Variants in DNAH14 observed in about 807,000 individuals in gnomAD.
DNAH14 encodes the protein axonemal beta dynein heavy chain 14.
DNAH14 carries 478 observed loss-of-function variants against 520.9 expected under a neutral mutation model. The ratio of observed to expected loss-of-function variants is 0.92; its 90% CI spans 0.85 to 0.99. The LOEUF is 0.99. Among genes scored for constraint, DNAH14 ranks in the 50% least tolerant of loss-of-function variants. DNAH14 has a pLI of 0.00. For missense variants in DNAH14, 4,831 were observed against 5,234.5 expected, an observed-to-expected ratio of 0.92 and a Z score of 2.38; for synonymous variants, 1,581 against 1,757.2, an observed-to-expected ratio of 0.90 and a Z score of 2.51.
intron 1 of DNAH14, among the ~76,000 whole-genome samples, chr1:224,931,610 C>T (rs2058704312): frequency 6.6e-6 from 1 of 152,164 alleles, no homozygotes; most frequent in African/African-American, 2.4e-5. Context: ...TCCGTGTTAT[C>T]TATTTGTCCA....
chr1:224,932,718 T>A (rs942692085), intron 1 of DNAH14, among the ~76,000 whole-genome samples: 1 of 152,196 alleles, frequency 6.6e-6, no homozygotes, highest in Non-Finnish European at 1.5e-5. Flanking sequence ...CTTGTCAGTT[T>A]TGTTGTAAGT....
intron 25 of DNAH14, among the ~76,000 whole-genome samples, chr1:225,118,743 C>A (rs1245914811): frequency 6.6e-6 from 1 of 151,786 alleles, no homozygotes; most frequent in Non-Finnish European, 1.5e-5. Flanking sequence ...ATTAGCTGAT[C>A]GTGGTGGCAG....
chr1:225,339,790 T>C (rs1278546867), intron 68 of DNAH14, among the ~76,000 whole-genome samples: 4 of 152,168 alleles, frequency 2.6e-5, no homozygotes, highest in Non-Finnish European at 5.9e-5. Flanking sequence ...TAAAGTGGAA[T>C]GAAGTATTGT....
chr1:224,992,614 G>A (rs1330549873), intron 8 of DNAH14, among the ~76,000 whole-genome samples: 1 of 152,012 alleles, frequency 6.6e-6, no homozygotes, highest in Non-Finnish European at 1.5e-5. Context: ...TTTCTTCGTG[G>A]AATCTTTAGG....
intron 11 of DNAH14, among the ~76,000 whole-genome samples, chr1:225,027,421 G>A (rs10399941): frequency 0.048 from 7,309 of 152,106 alleles, 509 homozygotes; most frequent in African/African-American, 0.15. Context: ...AGTTGAGGAA[G>A]TTCCTGTCTG....
At chr1:225,237,586 TG>T (rs1281842472) in intron 42 of DNAH14, among the ~76,000 whole-genome samples, 1 of 152,176 alleles carries the variant, frequency 6.6e-6, no homozygotes, top group East Asian at 1.9e-4. Context: ...GTTTATGTCT[TG>T]GGGTTGATTT....
Position 225,206,063 on chromosome 1 carries a change from T to C in DNAH14, c.6070T>C (p.Cys2024Arg). 1 of 1,551,636 alleles carries C rather than the reference T, an allele frequency of 6.4e-7. No individual in the cohort carries two copies. Among genetic ancestry groups the C allele is most frequent in the East Asian group, 2.4e-5 (1 of 40,904 alleles). ...NSVLDDTRTLCLANSERIALT... is the reference protein window; with the variant it reads ...NSVLDDTRTLRLANSERIALT... ...TGTGCTAGATGATACTAGAACATTG[T>C]GCCTAGCAAACAGTGAGAGAATAGC... The change falls in exon 40 of 86, where the codon TGC (cysteine) becomes CGC (arginine). Residue 2024 changes from cysteine to arginine, a missense_variant. Physicochemically the swap from Cys to Arg is radical, Grantham distance 180. Transcript: ENST00000682510.
intron 41 of DNAH14, among the ~76,000 whole-genome samples, chr1:225,225,519 A>AAGGAC (rs1411126438): frequency 6.6e-6 from 1 of 152,160 alleles, no homozygotes; most frequent in Non-Finnish European, 1.5e-5. Flanking sequence ...TATAGTACCC[A>AAGGAC]AGGACAGGCC....
intron 41 of DNAH14, among the ~76,000 whole-genome samples, chr1:225,230,377 A>G (rs904827963): frequency 6.6e-6 from 1 of 152,148 alleles, no homozygotes; most frequent in Non-Finnish European, 1.5e-5. Context: ...TATAATCTAT[A>G]TCTTTATATA....
At chr1:225,270,278 C>T (rs2093275590) in intron 49 of DNAH14, among the ~76,000 whole-genome samples, 1 of 141,116 alleles carries the variant, frequency 7.1e-6, no homozygotes, top group Admixed American at 7.7e-5. Context: ...ACAATGAGAA[C>T]ACTTGGACAC....
At chr1:225,078,838 CTCT>C (rs1420272800) in intron 17 of DNAH14, among the ~76,000 whole-genome samples, 2 of 89,946 alleles carry the variant, frequency 2.2e-5, no homozygotes, top group Admixed American at 1.2e-4. Flanking sequence ...CTCTCTCTCT[CTCT>C]CCCTCTCTCT....
intron 33 of DNAH14, 69 bp downstream of exon 33, chr1:225,152,952 T>C (rs988930326): frequency 3.4e-6 from 5 of 1,487,420 alleles, no homozygotes; most frequent in South Asian, 1.3e-5. Flanking sequence ...AATACTTTTC[T>C]GGATTGGTCC....
chr1:225,360,966 G>C (rs990090952), intron 75 of DNAH14, 75 bp downstream of exon 75: 1 of 1,327,972 alleles, frequency 7.5e-7, no homozygotes, highest in African/African-American at 1.5e-5. Context: ...AAATGTCAAT[G>C]TATACTGTGT....
At position 225,392,445 on chromosome 1, in the gene DNAH14, G is replaced by C; in HGVS notation, c.13485G>C (p.Ala4495=). The C allele has an allele frequency of 6.4e-7, 1 of 1,551,684 alleles. No homozygotes were observed. Among genetic ancestry groups the C allele is most frequent in the Non-Finnish European group, 8.7e-7 (1 of 1,146,990 alleles). The part of the protein sequence containing the change: ...MPKKLNIVRR[A]FKGSASSHTG... ...AGAAACTCAACATAGTCAGGAGAGC[G>C]TTTAAGGTACTGGAATACTTCAAGG... Residue 4495 remains alanine (A), a synonymous_variant, in exon 84 of 86, where the codon GCG becomes GCC. Transcript: ENST00000682510.
intron 27 of DNAH14, among the ~76,000 whole-genome samples, chr1:225,132,141 G>A (rs1242990784): frequency 6.6e-6 from 1 of 151,960 alleles, no homozygotes; most frequent in Non-Finnish European, 1.5e-5. Flanking sequence ...TGGTTTTCTG[G>A]AGTGATGAAG....
rs1397098543 is a variant in DNAH14 at position 225,231,126 on chromosome 1, G to A, written c.6493G>A (p.Val2165Ile). 6.5e-7 allele frequency: 1 copy of A among 1,547,154 alleles called. No homozygotes were observed. Among genetic ancestry groups the A allele is most frequent in the Admixed American group, 2.0e-5 (1 of 50,296 alleles). ...GGAGGCAAATTCCCAAAGAGAGTCT[G>A]TCACATTCAAGGATATAGAAAAGAG... ...SKEANSQRESVTFKDIEKRDE... is the reference protein window; with the variant it reads ...SKEANSQRESITFKDIEKRDE... Residue 2165 changes from valine to isoleucine, a missense_variant, in exon 42 of 86, where the codon GTC becomes ATC. Transcript: ENST00000682510.
At chr1:225,214,827 T>C (rs1396198538) in intron 41 of DNAH14, among the ~76,000 whole-genome samples, 1 of 152,198 alleles carries the variant, frequency 6.6e-6, no homozygotes. Context: ...GCTAGCAGTC[T>C]ATCAATTTTG....
intron 34 of DNAH14, among the ~76,000 whole-genome samples, 183 bp from the exon 35 acceptor site, chr1:225,159,131 G>C (rs575597189): frequency 1.1e-3 from 162 of 152,304 alleles, no homozygotes; most frequent in African/African-American, 3.8e-3. Flanking sequence ...ACCAGTCAGA[G>C]CCTATTTCTG....
chr1:225,288,769 A>C (rs1267333933), intron 54 of DNAH14, among the ~76,000 whole-genome samples: 1 of 152,160 alleles, frequency 6.6e-6, no homozygotes, highest in East Asian at 1.9e-4. Flanking sequence ...CAATAACACT[A>C]AACACCCACT....
Sources: allele counts gnomAD v4.1 joint callset (sites outside exome capture counted in the v4.1 genomes callset), GRCh38; gene constraint gnomAD v4.1.1; transcripts MANE v1.5; gene names NCBI Gene and HGNC (gene_info 2026-07-23, HGNC 2026-07-21).